The following NOTCH2 variants were observed in gnomAD, a reference collection of about 807,000 sequenced individuals.
NOTCH2 encodes notch receptor 2.
In NOTCH2, 29 loss-of-function variants were observed where a neutral mutation model predicts 235.8. The observed-to-expected ratio is 0.12, with a 90% CI of 0.09 to 0.17. The LOEUF is 0.17. Among genes scored for constraint, NOTCH2 ranks in the 10% least tolerant of loss-of-function variants. NOTCH2 has a pLI of 1.00. For synonymous variants in NOTCH2, 1,086 were observed against 1,141.5 expected (o/e 0.95, Z 0.98); for missense variants, 2,285 against 3,150.2 (o/e 0.73, Z 6.57).
At chr1:119,971,536 G>A (rs1342734447) in intron 5 of NOTCH2, among the ~76,000 whole-genome samples, 2 of 152,156 alleles carry the variant, frequency 1.3e-5, no homozygotes, top group African/African-American at 4.8e-5. Context: ...GAAGTGCACA[G>A]AGAGCCAGGC....
chr1:119,940,453 C>A, intron 19 of NOTCH2, 102 bp downstream of exon 19: 1 of 1,093,256 alleles, frequency 9.1e-7, no homozygotes, highest in South Asian at 1.4e-5. Flanking sequence ...CTGAGATCCA[C>A]AATTTTCTCT....
chr1:120,031,980 TA>T (rs1654109631), intron 1 of NOTCH2, among the ~76,000 whole-genome samples: 1 of 66,472 alleles, frequency 1.5e-5, no homozygotes, highest in Non-Finnish European at 2.9e-5. Flanking sequence ...ACACTTTTAT[TA>T]GTTTCAGTGA....
Position 119,916,295 on chromosome 1 carries a change from C to G in NOTCH2, c.6427G>C (p.Glu2143Gln). The G allele has an allele frequency of 6.2e-7, 1 of 1,614,198 alleles. No individual in the cohort carries two copies. Among genetic ancestry groups the G allele is most frequent in the Non-Finnish European group, 8.5e-7 (1 of 1,180,028 alleles). Residue 2143 changes from glutamate to glutamine, a missense_variant, in exon 34 of 34, where the codon GAG becomes CAG. Glu to Gln is a conservative substitution (Grantham distance 29). This residue lies in a region of NOTCH2 where 504 missense variants were observed against 538.0 expected (regional missense o/e 0.94). Transcript: ENST00000256646. Reference sequence around the variant, plus strand: ...ACAGGGGATAAAGTTACTGAACTCTCAGACAGTTGGACCTTCTCACTCAGA... The same window carrying G: ...ACAGGGGATAAAGTTACTGAACTCTGAGACAGTTGGACCTTCTCACTCAGA... Reference protein sequence around the residue: ...KSLSEKVQLSESSVTLSPVDS... With the variant: ...KSLSEKVQLSQSSVTLSPVDS...
At chr1:119,933,408 C>T (rs968236875) in intron 22 of NOTCH2, among the ~76,000 whole-genome samples, 7 of 152,150 alleles carry the variant, frequency 4.6e-5, no homozygotes, top group African/African-American at 1.7e-4. Context: ...TTCCACATAC[C>T]TAAACAAGCA....
At chr1:120,055,551 T>G (rs1266104441) in intron 1 of NOTCH2, among the ~76,000 whole-genome samples, 1 of 118,420 alleles carries the variant, frequency 8.4e-6, no homozygotes, top group Non-Finnish European at 1.7e-5. Flanking sequence ...TACACGTAAT[T>G]ATAAATATCT....
intron 2 of NOTCH2, among the ~76,000 whole-genome samples, chr1:120,028,954 C>T (rs1653981869): frequency 1.3e-5 from 2 of 151,878 alleles, no homozygotes; most frequent in African/African-American, 4.8e-5. Flanking sequence ...ATGAAATTAT[C>T]TCACAGCCTT....
intron 5 of NOTCH2, among the ~76,000 whole-genome samples, chr1:119,980,993 G>A (rs587615685): frequency 6.6e-5 from 10 of 152,034 alleles, no homozygotes; most frequent in African/African-American, 2.4e-4. Flanking sequence ...CATACTTCGG[G>A]TCCAAATCCT....
At chr1:119,932,342 C>T (rs1304709563) in intron 22 of NOTCH2, among the ~76,000 whole-genome samples, 3 of 152,142 alleles carry the variant, frequency 2.0e-5, no homozygotes, top group Admixed American at 6.5e-5. Context: ...CATCCCAGCA[C>T]TTTGGGAGGC....
Position 120,069,320 on chromosome 1 carries a change from A to C in NOTCH2, c.73+14T>G. Reference sequence around the variant, plus strand: ...CCGGGCGCCGCGGACAGCGCCCCTCAGCCCGATACTCACCATGCGCGGGGG... The same window carrying C: ...CCGGGCGCCGCGGACAGCGCCCCTCCGCCCGATACTCACCATGCGCGGGGG... On this transcript the variant is annotated intron_variant, in intron 1 of 33. Coordinates refer to ENST00000256646, the MANE Select transcript of NOTCH2 (RefSeq NM_024408.4). 2 of 1,560,868 alleles carry C rather than the reference A, an allele frequency of 1.3e-6. No individual in the cohort carries two copies. The highest frequency in any genetic ancestry group is 8.6e-7 in the Non-Finnish European group (1 of 1,161,420).
intron 22 of NOTCH2, among the ~76,000 whole-genome samples, chr1:119,929,902 T>G (rs1649595254): frequency 6.6e-6 from 1 of 152,228 alleles, no homozygotes; most frequent in Admixed American, 6.5e-5. Context: ...GGTGTACTAT[T>G]TTTTATCTTT....
chr1:120,025,419 G>T (rs1445538773), intron 2 of NOTCH2, among the ~76,000 whole-genome samples: 2 of 152,116 alleles, frequency 1.3e-5, no homozygotes, highest in Non-Finnish European at 2.9e-5. Context: ...TTGGGAATAA[G>T]AACCCTATCC....
chr1:119,928,061 G>A (rs1037370667), intron 23 of NOTCH2, among the ~76,000 whole-genome samples: 3 of 152,112 alleles, frequency 2.0e-5, no homozygotes, highest in African/African-American at 4.8e-5. Flanking sequence ...ACAGACCCCA[G>A]GAAATGCATG....
chr1:120,037,856 G>C (rs1553212145), intron 1 of NOTCH2, among the ~76,000 whole-genome samples: 1 of 151,836 alleles, frequency 6.6e-6, no homozygotes, highest in Non-Finnish European at 1.5e-5. Flanking sequence ...AATTATTACT[G>C]CTTTTCAAAA....
chr1:120,002,482 A>C (rs1341193067), intron 3 of NOTCH2, among the ~76,000 whole-genome samples: 1 of 152,052 alleles, frequency 6.6e-6, no homozygotes, highest in Non-Finnish European at 1.5e-5. Context: ...AGGCGGAACT[A>C]CAAATGGTCC....
Position 119,943,458 on chromosome 1 carries a change from G to A in NOTCH2, c.2753-1704C>T, listed in dbSNP as rs587643233. On this transcript the variant is annotated intron_variant, in intron 17 of 33. Transcript: ENST00000256646. Reference sequence around the variant, plus strand: ...ACCACGTGGCAGTAAGTAGAGTCCTGAGGGACCCCTGTTGTAGTAGTGAGC... The same window carrying A: ...ACCACGTGGCAGTAAGTAGAGTCCTAAGGGACCCCTGTTGTAGTAGTGAGC... Among the ~76,000 whole-genome samples, 72 of 152,262 alleles carry A rather than the reference G, an allele frequency of 4.7e-4. 1 individual carries two copies. Among genetic ancestry groups the A allele is most frequent in the Middle Eastern group, 3.4e-3 (1 of 294 alleles).
rs965437299 is a variant in NOTCH2 at position 119,911,933 on chromosome 1, G to C, written c.*3373C>G. On this transcript the variant is annotated 3_prime_UTR_variant, in exon 34 of 34. Coordinates refer to ENST00000256646, the MANE Select transcript of NOTCH2 (RefSeq NM_024408.4). The stretch of plus-strand genomic sequence containing the variant: ...TTAAAGGAAGAAAAAAAGAAGTTTG[G>C]TGCTAGGCTTTGTGGGATTCAGAAA... 2 of 233,118 alleles carry C rather than the reference G, an allele frequency of 8.6e-6. No homozygotes were observed. The highest frequency in any genetic ancestry group is 4.4e-5 in the African/African-American group (2 of 45,332). 14.4% of individuals were successfully genotyped at this position (233,118 alleles called of 1,614,324 possible). A position where few individuals can be genotyped will look rare whatever the true frequency, so the allele number is the denominator to read the frequency against.
chr1:119,988,523 A>C (rs1244221106), intron 4 of NOTCH2, among the ~76,000 whole-genome samples: 2 of 152,208 alleles, frequency 1.3e-5, no homozygotes, highest in Non-Finnish European at 2.9e-5. Flanking sequence ...ATACAGAAAT[A>C]TGAGTCTTAC....
chr1:120,027,638 C>G (rs1156513775), intron 2 of NOTCH2, among the ~76,000 whole-genome samples: 2 of 151,822 alleles, frequency 1.3e-5, no homozygotes, highest in Admixed American at 1.3e-4. Context: ...CCCCCCACCC[C>G]CTGACAGGCC....
chr1:119,967,424 C>A lies in NOTCH2; in HGVS notation c.1453+9G>T, dbSNP rs1553199810. ...TCTCTAGACCCAACATGCTGATGGG[C>A]CCATTTACCTGGCATGCACAGACAT... On this transcript the variant is annotated intron_variant, in intron 8 of 33. Coordinates refer to ENST00000256646, the MANE Select transcript of NOTCH2 (RefSeq NM_024408.4). 2 of 1,612,918 alleles carry A rather than the reference C, an allele frequency of 1.2e-6. No homozygotes were observed. Among genetic ancestry groups the A allele is most frequent in the South Asian group, 2.2e-5 (2 of 91,056 alleles).
Sources: allele counts gnomAD v4.1 joint callset (sites outside exome capture counted in the v4.1 genomes callset), GRCh38; gene constraint gnomAD v4.1.1; regional missense constraint gnomAD v4.1.1; transcripts MANE v1.5; gene names NCBI Gene and HGNC (gene_info 2026-07-23, HGNC 2026-07-21).